The following NSMCE2 variants were observed in gnomAD, a reference collection of about 807,000 sequenced individuals.
NSMCE2 encodes the protein E3 SUMO-protein ligase NSE2.
A neutral mutation model predicts 23.8 loss-of-function variants in NSMCE2; 24 were observed. The observed-to-expected ratio is 1.01, with a 90% CI of 0.73 to 1.42. The LOEUF (loss-of-function observed/expected upper bound fraction) is 1.42, where lower values mean the gene tolerates loss of function less well. Among genes scored for constraint, NSMCE2 ranks in the 40% most tolerant of loss-of-function variants. The pLI, the probability that NSMCE2 is intolerant of heterozygous loss-of-function variation, is 0.00. For synonymous variants in NSMCE2, 92 were observed against 94.1 expected (o/e 0.98, Z 0.13); for missense variants, 284 against 296.5 (o/e 0.96, Z 0.31).
intron 1 of NSMCE2, among the ~76,000 whole-genome samples, chr8:125,097,685 A>G (rs1053385613): frequency 5.9e-5 from 9 of 152,040 alleles, no homozygotes; most frequent in Non-Finnish European, 1.2e-4. Context: ...ACTTCATAGT[A>G]CTTGGTTCAT....
chr8:125,093,937 T>C (rs1035037668), intron 1 of NSMCE2, among the ~76,000 whole-genome samples: 2 of 151,944 alleles, frequency 1.3e-5, no homozygotes, highest in Non-Finnish European at 2.9e-5. Flanking sequence ...TCTAGGACAA[T>C]AGGTGCAAGC....
chr8:125,199,245 T>A (rs1410598808), intron 5 of NSMCE2, among the ~76,000 whole-genome samples: 1 of 152,226 alleles, frequency 6.6e-6, no homozygotes, highest in Non-Finnish European at 1.5e-5. Context: ...TTGCTCTTGC[T>A]TCTCTAGTTC....
At chr8:125,223,062 A>AAC (rs1242886202) in intron 5 of NSMCE2, among the ~76,000 whole-genome samples, 1 of 151,674 alleles carries the variant, frequency 6.6e-6, no homozygotes, top group African/African-American at 2.4e-5. Flanking sequence ...ACCCTGTCTC[A>AAC]AAAATAAAAT....
intron 5 of NSMCE2, among the ~76,000 whole-genome samples, chr8:125,226,650 A>G (rs1200967390): frequency 6.6e-6 from 1 of 152,058 alleles, no homozygotes; most frequent in Non-Finnish European, 1.5e-5. Flanking sequence ...TCTGAGAGGG[A>G]GTGGGAGTGA....
chr8:125,208,348 C>G (rs895338509), intron 5 of NSMCE2, among the ~76,000 whole-genome samples: 3 of 152,110 alleles, frequency 2.0e-5, no homozygotes, highest in Admixed American at 6.5e-5. Context: ...CTTTAACTGT[C>G]TGTTTTTGCC....
chr8:125,218,597 A>G (rs1235980299), intron 5 of NSMCE2, among the ~76,000 whole-genome samples: 1 of 151,984 alleles, frequency 6.6e-6, no homozygotes, highest in Non-Finnish European at 1.5e-5. Flanking sequence ...TTTTTAGTAG[A>G]CGTGGGGTTT....
At chr8:125,237,519 T>G (rs975685306) in intron 5 of NSMCE2, among the ~76,000 whole-genome samples, 1 of 152,184 alleles carries the variant, frequency 6.6e-6, no homozygotes, top group African/African-American at 2.4e-5. Flanking sequence ...CATAATTAAC[T>G]CCACTTGCTG....
intron 3 of NSMCE2, among the ~76,000 whole-genome samples, chr8:125,137,617 T>C (rs1820138249): frequency 6.6e-6 from 1 of 152,206 alleles, no homozygotes; most frequent in Non-Finnish European, 1.5e-5. Context: ...GTAGGCATGT[T>C]TTCTGATCTA....
chr8:125,353,597 G>A (rs942348136), intron 5 of NSMCE2, among the ~76,000 whole-genome samples: 4 of 152,114 alleles, frequency 2.6e-5, no homozygotes, highest in Admixed American at 6.5e-5. Context: ...ATTAAATATC[G>A]TTTTAGGACG....
chr8:125,155,083 T>C (rs1234719767), intron 4 of NSMCE2, among the ~76,000 whole-genome samples: 2 of 152,224 alleles, frequency 1.3e-5, no homozygotes, highest in African/African-American at 4.8e-5. Flanking sequence ...GCAAAGTCCA[T>C]GTGACCTTCA....
At chr8:125,346,018 G>C (rs906758517) in intron 5 of NSMCE2, among the ~76,000 whole-genome samples, 1 of 152,194 alleles carries the variant, frequency 6.6e-6, no homozygotes, top group East Asian at 1.9e-4. Flanking sequence ...TTAGCTGGGC[G>C]TGGTGGCACA....
At chr8:125,134,898 A>G (rs919095551) in intron 3 of NSMCE2, among the ~76,000 whole-genome samples, 2 of 151,712 alleles carry the variant, frequency 1.3e-5, no homozygotes, top group East Asian at 3.9e-4. Context: ...CAGCTAATGA[A>G]AAATAAATTT....
chr8:125,304,955 GGAAGA>G (rs376052991), intron 5 of NSMCE2, among the ~76,000 whole-genome samples: 1,162 of 24,602 alleles, frequency 0.047, 11 homozygotes, highest in African/African-American at 0.27. Flanking sequence ...AAGGAAGGAA[GGAAGA>G]AAGAAAGAAA....
At chr8:125,267,003 CTTTTTTTTT>C (rs35990794) in intron 5 of NSMCE2, among the ~76,000 whole-genome samples, 1 of 111,990 alleles carries the variant, frequency 8.9e-6, no homozygotes, top group Non-Finnish European at 1.8e-5. Flanking sequence ...TTTTTTCTTT[CTTTTTTTTT>C]TTTTTTTTTT....
intron 5 of NSMCE2, among the ~76,000 whole-genome samples, chr8:125,202,812 A>T (rs889535118): frequency 6.6e-6 from 1 of 152,238 alleles, no homozygotes; most frequent in South Asian, 2.1e-4. Flanking sequence ...TAATTTTGTT[A>T]ATGTGTTAAA....
intron 5 of NSMCE2, among the ~76,000 whole-genome samples, chr8:125,245,772 G>T (rs1563741082): frequency 6.6e-6 from 1 of 152,140 alleles, no homozygotes. Context: ...TGTGGCTCAC[G>T]CATGTAATCC....
intron 5 of NSMCE2, among the ~76,000 whole-genome samples, chr8:125,189,856 C>T (rs1586586518): frequency 6.6e-6 from 1 of 152,186 alleles, no homozygotes; most frequent in Admixed American, 6.5e-5. Flanking sequence ...CAGCAATACA[C>T]ATTTTTTAAT....
At chr8:125,139,773 C>T (rs1820262815) in intron 3 of NSMCE2, among the ~76,000 whole-genome samples, 1 of 152,154 alleles carries the variant, frequency 6.6e-6, no homozygotes, top group Non-Finnish European at 1.5e-5. Context: ...ATATCATCTT[C>T]CCACATATAT....
chr8:125,356,235 T>TG (rs140283424), intron 5 of NSMCE2, among the ~76,000 whole-genome samples: 9,121 of 148,074 alleles, frequency 0.062, 328 homozygotes, highest in Non-Finnish European at 0.086. Flanking sequence ...TCTGTGTGTA[T>TG]GGGGGGGGGT....
Sources: allele counts gnomAD v4.1 joint callset (sites outside exome capture counted in the v4.1 genomes callset), GRCh38; gene constraint gnomAD v4.1.1; transcripts MANE v1.5; gene names NCBI Gene and HGNC (gene_info 2026-07-23, HGNC 2026-07-21).